Variants in OLFM3 observed in about 807,000 individuals in gnomAD.
The protein encoded by OLFM3 is noelin-3.
In OLFM3, 20 loss-of-function variants were observed where a neutral mutation model predicts 48.6. The ratio of observed to expected loss-of-function variants is 0.41; its 90% CI spans 0.29 to 0.60. OLFM3 has a LOEUF of 0.60. Ranked by LOEUF, OLFM3 falls within the 20% of genes least tolerant of loss-of-function variation. OLFM3 has a pLI of 0.28. For missense variants in OLFM3, 437 were observed against 544.3 expected, an observed-to-expected ratio of 0.80 and a Z score of 1.96; for synonymous variants, 222 against 198.1, an observed-to-expected ratio of 1.12 and a Z score of -1.01.
intron 1 of OLFM3, among the ~76,000 whole-genome samples, chr1:101,864,178 T>A (rs1656769103): frequency 6.6e-6 from 1 of 152,192 alleles, no homozygotes; most frequent in Admixed American, 6.5e-5. Context: ...ATAATGTGAA[T>A]TTGTTCTGGT....
At chr1:101,922,529 A>T (rs552315812) in intron 1 of OLFM3, among the ~76,000 whole-genome samples, 1 of 152,118 alleles carries the variant, frequency 6.6e-6, no homozygotes, top group African/African-American at 2.4e-5. Context: ...GACAGGTCAG[A>T]TGTTTCTTTC....
At chr1:101,929,470 T>G (rs1300179183) in intron 1 of OLFM3, among the ~76,000 whole-genome samples, 1 of 152,094 alleles carries the variant, frequency 6.6e-6, no homozygotes, top group African/African-American at 2.4e-5. Flanking sequence ...TTTATTTCCT[T>G]TCTCCCCACT....
At chr1:101,926,973 C>T (rs538038006) in intron 1 of OLFM3, among the ~76,000 whole-genome samples, 5 of 152,120 alleles carry the variant, frequency 3.3e-5, no homozygotes, top group Non-Finnish European at 4.4e-5. Flanking sequence ...ATAATACAAT[C>T]GCTTTTTCCT....
intron 1 of OLFM3, among the ~76,000 whole-genome samples, chr1:101,874,312 T>C (rs2100980690): frequency 6.6e-6 from 1 of 151,962 alleles, no homozygotes; most frequent in East Asian, 1.9e-4. Context: ...TTAGTTGAAT[T>C]GAACATTGTC....
chr1:101,915,040 T>C (rs1658876614), intron 1 of OLFM3, among the ~76,000 whole-genome samples: 1 of 152,168 alleles, frequency 6.6e-6, no homozygotes, highest in Admixed American at 6.5e-5. Flanking sequence ...ACATTAACAA[T>C]TTCAAGAGCT....
chr1:101,842,558 T>C (rs969571619), intron 1 of OLFM3, among the ~76,000 whole-genome samples: 8 of 152,006 alleles, frequency 5.3e-5, no homozygotes, highest in Admixed American at 5.2e-4. Context: ...ATAATAATAA[T>C]AATAAATTTA....
intron 1 of OLFM3, among the ~76,000 whole-genome samples, chr1:101,885,960 G>A (rs1657739842): frequency 6.6e-6 from 1 of 152,028 alleles, no homozygotes; most frequent in South Asian, 2.1e-4. Flanking sequence ...ATTGTTCAAG[G>A]GTCCAGTGTA....
chr1:101,962,401 A>T (rs909448017), intron 1 of OLFM3, among the ~76,000 whole-genome samples: 2 of 152,142 alleles, frequency 1.3e-5, no homozygotes, highest in Non-Finnish European at 2.9e-5. Context: ...AGAAACACCA[A>T]ATAAAAGAAA....
At chr1:101,907,955 A>G (rs1389549045) in intron 1 of OLFM3, among the ~76,000 whole-genome samples, 1 of 152,220 alleles carries the variant, frequency 6.6e-6, no homozygotes, top group Non-Finnish European at 1.5e-5. Context: ...TGCATCCCCA[A>G]AATATGTTAA....
At chr1:101,808,126 C>T (rs1312603122) in intron 4 of OLFM3, among the ~76,000 whole-genome samples, 2 of 104,838 alleles carry the variant, frequency 1.9e-5, no homozygotes, top group Non-Finnish European at 4.3e-5. Flanking sequence ...CCCCTAAAAA[C>T]GTCATAAAAC....
intron 4 of OLFM3, chr1:101,812,322 C>T (rs975954825): frequency 4.5e-6 from 3 of 672,656 alleles, no homozygotes; most frequent in South Asian, 1.3e-4. Context: ...TACCTTAGAA[C>T]TTAAAGTGTA....
chr1:101,905,425 C>T (rs1171898155), intron 1 of OLFM3, among the ~76,000 whole-genome samples: 1 of 152,102 alleles, frequency 6.6e-6, no homozygotes, highest in Non-Finnish European at 1.5e-5. Flanking sequence ...TACTCTGTAT[C>T]CAGACTGGGT....
At chr1:101,975,728 A>C (rs1016506752) in intron 1 of OLFM3, among the ~76,000 whole-genome samples, 2 of 152,184 alleles carry the variant, frequency 1.3e-5, no homozygotes, top group African/African-American at 4.8e-5. Context: ...GCTCAGAGTT[A>C]TCAAAAGAGA....
intron 1 of OLFM3, among the ~76,000 whole-genome samples, chr1:101,955,306 C>T (rs952013003): frequency 1.3e-5 from 2 of 151,908 alleles, no homozygotes; most frequent in African/African-American, 2.4e-5. Flanking sequence ...CATTCTTATC[C>T]AAGGCACTAT....
At chr1:101,948,949 C>T (rs770600030) in intron 1 of OLFM3, among the ~76,000 whole-genome samples, 1 of 150,042 alleles carries the variant, frequency 6.7e-6, no homozygotes, top group Non-Finnish European at 1.5e-5. Context: ...CAAAAGCAAG[C>T]CTGCCATTTT....
At chr1:101,941,995 C>A (rs1659810919) in intron 1 of OLFM3, among the ~76,000 whole-genome samples, 2 of 152,072 alleles carry the variant, frequency 1.3e-5, no homozygotes, top group South Asian at 4.1e-4. Context: ...GTTTTTATCC[C>A]AATTTTGTAA....
chr1:101,897,393 T>C (rs2101013836), intron 1 of OLFM3, among the ~76,000 whole-genome samples: 1 of 152,248 alleles, frequency 6.6e-6, no homozygotes, highest in East Asian at 1.9e-4. Flanking sequence ...CTTTGTAAAA[T>C]GGTTAAGTTT....
intron 1 of OLFM3, among the ~76,000 whole-genome samples, chr1:101,941,662 G>C (rs912199605): frequency 2.6e-5 from 4 of 152,132 alleles, no homozygotes; most frequent in African/African-American, 4.8e-5. Context: ...ATTTTAAAAA[G>C]CATATGACAT....
chr1:101,938,965 T>G (rs959580820), intron 1 of OLFM3, among the ~76,000 whole-genome samples: 2 of 152,208 alleles, frequency 1.3e-5, no homozygotes, highest in African/African-American at 2.4e-5. Context: ...AGAGAGGCAG[T>G]GGCTCTTTCT....
Sources: gnomAD v4.1 joint callset for allele counts (sites outside exome capture counted in the v4.1 genomes callset) on GRCh38, gnomAD v4.1.1 for gene constraint, MANE v1.5 for transcripts, NCBI Gene and HGNC (gene_info 2026-07-23, HGNC 2026-07-21) for gene names.